The following PPM1L variants were observed in gnomAD, a reference collection of about 807,000 sequenced individuals.
PPM1L encodes the protein protein phosphatase, Mg2+/Mn2+ dependent 1L.
Under a neutral mutation model 31.4 loss-of-function variants are expected in PPM1L, and 13 were observed. The observed-to-expected ratio is 0.41, with a 90% CI of 0.27 to 0.66. The LOEUF (loss-of-function observed/expected upper bound fraction) is 0.66. PPM1L is among the 30% of genes least tolerant of loss of function. The probability of loss-of-function intolerance (pLI) is 0.29; values close to 1 mark genes in which losing one functional copy is unlikely to be tolerated. For synonymous variants in PPM1L, 184 were observed against 175.4 expected (o/e 1.05, Z -0.39); for missense variants, 326 against 453.7 (o/e 0.72, Z 2.56).
intron 1 of PPM1L, among the ~76,000 whole-genome samples, chr3:160,810,539 C>T (rs1047212263): frequency 4.6e-5 from 7 of 152,256 alleles, no homozygotes; most frequent in South Asian, 2.1e-4. Context: ...TACCAAGCAG[C>T]TGGGCATGAA....
chr3:160,873,496 T>C (rs1175182149), intron 1 of PPM1L, among the ~76,000 whole-genome samples: 1 of 152,170 alleles, frequency 6.6e-6, no homozygotes, highest in Middle Eastern at 3.2e-3. Context: ...CACATTTCTA[T>C]TGTGGCATGT....
chr3:160,913,642 A>C (rs1008569409), intron 1 of PPM1L, among the ~76,000 whole-genome samples: 10 of 152,162 alleles, frequency 6.6e-5, no homozygotes, highest in African/African-American at 2.4e-4. Flanking sequence ...CATATTAATG[A>C]GATCGTATAA....
intron 1 of PPM1L, among the ~76,000 whole-genome samples, chr3:160,844,036 A>G (rs557423962): frequency 6.6e-6 from 1 of 152,202 alleles, no homozygotes. Context: ...TTATTCTTCC[A>G]TGTGGCCCAG....
At chr3:160,925,272 C>T (rs967385690) in intron 1 of PPM1L, among the ~76,000 whole-genome samples, 1 of 152,166 alleles carries the variant, frequency 6.6e-6, no homozygotes, top group Non-Finnish European at 1.5e-5. Flanking sequence ...TTGAACTTCT[C>T]ATTCCAGTTT....
chr3:161,053,622 G>A (rs980975), intron 2 of PPM1L, among the ~76,000 whole-genome samples: 98,096 of 152,094 alleles, frequency 0.64, 34,207 homozygotes, highest in East Asian at 0.97. Flanking sequence ...TGAACACTCC[G>A]TCAGATTCTG....
chr3:160,931,539 A>T (rs1388488865), intron 1 of PPM1L, among the ~76,000 whole-genome samples: 1 of 152,250 alleles, frequency 6.6e-6, no homozygotes, highest in Non-Finnish European at 1.5e-5. Flanking sequence ...ATGCCCAATT[A>T]TAAATTGTGC....
rs1459307406 is a variant in PPM1L at position 161,073,238 on chromosome 3, C to G, written c.*4081C>G. On this transcript the variant is annotated 3_prime_UTR_variant, in exon 4 of 4. Transcript: ENST00000498165. ...AATGTCCTGTGAGGAGAGAAAAACA[C>G]AACAAATATCTACTGTCAGTTAGCC... The G allele has an allele frequency of 3.3e-5, 5 of 152,170 alleles. No individual in the cohort carries two copies. Among genetic ancestry groups the G allele is most frequent in the Non-Finnish European group, 7.3e-5 (5 of 68,032 alleles). The allele number at this position is 152,170 out of a possible 1,614,324, so 9.4% of individuals were successfully genotyped here.
chr3:161,050,528 T>G (rs894933791), intron 2 of PPM1L, among the ~76,000 whole-genome samples: 10 of 152,212 alleles, frequency 6.6e-5, no homozygotes, highest in African/African-American at 2.4e-4. Context: ...TATATTTGTA[T>G]ACACATTTCA....
intron 2 of PPM1L, among the ~76,000 whole-genome samples, chr3:160,984,992 C>T (rs971722892): frequency 3.9e-5 from 6 of 152,182 alleles, no homozygotes; most frequent in Admixed American, 3.9e-4. Context: ...GGACAGCCCC[C>T]AACAGCAACA....
intron 1 of PPM1L, among the ~76,000 whole-genome samples, chr3:160,874,511 T>TA (rs1341115344): frequency 3.3e-5 from 5 of 152,230 alleles, no homozygotes; most frequent in African/African-American, 4.8e-5. Context: ...CTCTGACTGA[T>TA]ACACTGCGTG....
intron 1 of PPM1L, among the ~76,000 whole-genome samples, chr3:160,833,622 G>A (rs1713591539): frequency 6.6e-6 from 1 of 151,704 alleles, no homozygotes; most frequent in Admixed American, 6.6e-5. Flanking sequence ...CTTTTTAATG[G>A]GGTTTTTTTT....
At chr3:160,782,755 A>G (rs1167280444) in intron 1 of PPM1L, among the ~76,000 whole-genome samples, 1 of 152,224 alleles carries the variant, frequency 6.6e-6, no homozygotes. Context: ...CATAGAGCTT[A>G]GAAATGTTGT....
intron 1 of PPM1L, among the ~76,000 whole-genome samples, chr3:160,795,186 C>T (rs888558980): frequency 3.3e-5 from 5 of 152,096 alleles, no homozygotes; most frequent in Non-Finnish European, 4.4e-5. Context: ...TTCAAAATTC[C>T]GATCCACCAA....
chr3:160,897,535 C>T (rs1033950914), intron 1 of PPM1L, among the ~76,000 whole-genome samples: 1 of 152,210 alleles, frequency 6.6e-6, no homozygotes, highest in Non-Finnish European at 1.5e-5. Flanking sequence ...CGCAAAGAGA[C>T]CAAAAGAGCT....
At chr3:160,810,003 T>C (rs537202565) in intron 1 of PPM1L, among the ~76,000 whole-genome samples, 2 of 152,232 alleles carry the variant, frequency 1.3e-5, no homozygotes, top group African/African-American at 4.8e-5. Context: ...ATATACTGTA[T>C]GTAAAATATC....
At chr3:160,963,675 GTGGA>G (rs1716040445) in intron 2 of PPM1L, among the ~76,000 whole-genome samples, 1 of 152,056 alleles carries the variant, frequency 6.6e-6, no homozygotes, top group Admixed American at 6.6e-5. Flanking sequence ...ATGCATTCTA[GTGGA>G]TGAAGGGGCA....
At chr3:160,824,001 C>G (rs1256706905) in intron 1 of PPM1L, among the ~76,000 whole-genome samples, 4 of 152,090 alleles carry the variant, frequency 2.6e-5, no homozygotes, top group African/African-American at 9.7e-5. Flanking sequence ...AGACAAAGTT[C>G]TCACTGAATT....
chr3:161,021,558 C>G (rs926012374), intron 2 of PPM1L, among the ~76,000 whole-genome samples: 14 of 151,854 alleles, frequency 9.2e-5, no homozygotes, highest in Non-Finnish European at 1.9e-4. Context: ...TTGTTCAAGT[C>G]TTTTATTTAT....
intron 1 of PPM1L, among the ~76,000 whole-genome samples, chr3:160,762,842 A>G (rs923336639): frequency 1.3e-5 from 2 of 152,220 alleles, no homozygotes; most frequent in African/African-American, 2.4e-5. Context: ...CCCAACGGTA[A>G]TCATTCTAGA....
Sources: gnomAD v4.1 joint callset for allele counts (sites outside exome capture counted in the v4.1 genomes callset) on GRCh38, gnomAD v4.1.1 for gene constraint, MANE v1.5 for transcripts, NCBI Gene and HGNC (gene_info 2026-07-23, HGNC 2026-07-21) for gene names.